The following MAP4 variants were observed in gnomAD, a reference collection of about 807,000 sequenced individuals.
MAP4 encodes the protein microtubule associated protein 4.
MAP4 carries 76 observed loss-of-function variants against 170.2 expected under a neutral mutation model. The observed-to-expected ratio is 0.45, with a 90% CI of 0.37 to 0.54. The LOEUF (loss-of-function observed/expected upper bound fraction) is 0.54. Among genes scored for constraint, MAP4 ranks in the 20% least tolerant of loss-of-function variants. MAP4 has a pLI of 0.00. For missense variants in MAP4, 2,506 were observed against 2,748.0 expected, an observed-to-expected ratio of 0.91 and a Z score of 1.97; for synonymous variants, 909 against 994.5, an observed-to-expected ratio of 0.91 and a Z score of 1.62.
At chr3:47,890,625 T>C (rs149664765) in intron 10 of MAP4, among the ~76,000 whole-genome samples, 2 of 152,246 alleles carry the variant, frequency 1.3e-5, no homozygotes, top group East Asian at 1.9e-4. Context: ...TCAGTTGGGA[T>C]TGAAGGATTT....
intron 2 of MAP4, among the ~76,000 whole-genome samples, chr3:47,987,767 C>A (rs896914488): frequency 6.6e-6 from 1 of 152,128 alleles, no homozygotes; most frequent in African/African-American, 2.4e-5. Context: ...CTGGATTTGT[C>A]CTTGGCAACA....
intron 8 of MAP4, among the ~76,000 whole-genome samples, chr3:47,914,186 C>T (rs1400411676): frequency 6.6e-6 from 1 of 152,136 alleles, no homozygotes; most frequent in African/African-American, 2.4e-5. Context: ...AGTTATGTAA[C>T]TTGCTTAAGA....
intron 3 of MAP4, among the ~76,000 whole-genome samples, chr3:47,950,925 G>T (rs1193633298): frequency 3.9e-5 from 6 of 152,070 alleles, no homozygotes; most frequent in Non-Finnish European, 8.8e-5. Flanking sequence ...GCTTTTCTAT[G>T]AACCAGCTGT....
intron 18 of MAP4, among the ~76,000 whole-genome samples, chr3:47,856,057 C>T (rs2055488459): frequency 6.6e-6 from 1 of 152,158 alleles, no homozygotes; most frequent in Non-Finnish European, 1.5e-5. Context: ...GAACTCACGC[C>T]CAGGGTTCAG....
intron 1 of MAP4, among the ~76,000 whole-genome samples, chr3:48,067,632 CT>C (rs71070248): frequency 0.7 from 98,370 of 139,864 alleles, 34,337 homozygotes; most frequent in African/African-American, 0.79. Flanking sequence ...CAAGAGAAAC[CT>C]TTTTTTTTTT....
At chr3:47,961,717 C>G (rs1193390264) in intron 3 of MAP4, among the ~76,000 whole-genome samples, 1 of 152,108 alleles carries the variant, frequency 6.6e-6, no homozygotes, top group Non-Finnish European at 1.5e-5. Context: ...TGTGCTTTTG[C>G]ATCTTCTTAC....
intron 1 of MAP4, among the ~76,000 whole-genome samples, chr3:48,008,992 T>C (rs2100103863): frequency 1.3e-5 from 2 of 152,218 alleles, no homozygotes; most frequent in East Asian, 1.9e-4. Flanking sequence ...GGGCAGAGGA[T>C]TGTCCTCACT....
chr3:47,881,446 C>CCATA (rs1301165159), intron 10 of MAP4, among the ~76,000 whole-genome samples: 3 of 49,482 alleles, frequency 6.1e-5, no homozygotes, highest in Non-Finnish European at 1.1e-4. Flanking sequence ...GAAAAAACAA[C>CCATA]TATATATATA....
intron 2 of MAP4, among the ~76,000 whole-genome samples, chr3:47,983,542 A>G (rs1010720980): frequency 1.3e-5 from 2 of 152,168 alleles, no homozygotes; most frequent in Admixed American, 6.5e-5. Flanking sequence ...ATGTGCCACC[A>G]TGCCCGGCTA....
chr3:47,932,180 A>G (rs2100050256), intron 3 of MAP4, among the ~76,000 whole-genome samples: 1 of 152,212 alleles, frequency 6.6e-6, no homozygotes. Context: ...AAGTCACACA[A>G]TATGTCATCT....
intron 3 of MAP4, among the ~76,000 whole-genome samples, chr3:47,962,812 C>A (rs1419323749): frequency 6.6e-6 from 1 of 152,194 alleles, no homozygotes; most frequent in Non-Finnish European, 1.5e-5. Flanking sequence ...ACAGCAGCAG[C>A]AGAAACAGCA....
chr3:47,869,322 T>C lies in MAP4; in HGVS notation c.6300A>G (p.Lys2100=). The C allele has an allele frequency of 6.2e-7, 1 of 1,610,688 alleles. No homozygotes were observed. Among genetic ancestry groups the C allele is most frequent in the African/African-American group, 1.3e-5 (1 of 74,958 alleles). ...CAGCTGCCTCTGTTTTTTTCTCTAC[T>C]TTGGCCTGGATGGAGATAAAGGGAG... ...IKHQPGGGRA[K]VEKKTEAAAT... Residue 2100 remains lysine (K), a synonymous_variant, in exon 16 of 21, where the codon AAA becomes AAG. Transcript: ENST00000683076.
chr3:47,917,269 AC>A, intron 6 of MAP4, 95 bp from the exon 7 acceptor site: 1 of 960,772 alleles, frequency 1.0e-6, no homozygotes, highest in Non-Finnish European at 1.6e-6. Context: ...GGCTTTTGTG[AC>A]CATAAGACTG....
chr3:47,931,314 G>A (rs1242634406), intron 3 of MAP4, among the ~76,000 whole-genome samples: 1 of 152,078 alleles, frequency 6.6e-6, no homozygotes, highest in Admixed American at 6.6e-5. Flanking sequence ...CTGGGAAGTC[G>A]AGGCTGCAGT....
At chr3:47,951,267 C>T (rs2100063565) in intron 3 of MAP4, among the ~76,000 whole-genome samples, 1 of 152,108 alleles carries the variant, frequency 6.6e-6, no homozygotes, top group Non-Finnish European at 1.5e-5. Context: ...TGTTGGTATG[C>T]TGAAGAAACT....
chr3:48,056,269 T>G (rs1579633466), intron 1 of MAP4, among the ~76,000 whole-genome samples: 6 of 91,732 alleles, frequency 6.5e-5, no homozygotes, highest in Non-Finnish European at 7.1e-5. Context: ...GGTGGGGGGG[T>G]CAGCCCCCCG....
At chr3:48,024,424 C>G (rs1373224821) in intron 1 of MAP4, among the ~76,000 whole-genome samples, 1 of 152,108 alleles carries the variant, frequency 6.6e-6, no homozygotes. Context: ...TTCCTATTTC[C>G]CTTGGAGTTA....
rs2058388381 is a variant in MAP4, at chr3:47,857,416, G to T, written c.6583+15C>A. ...ATACCCTGGAGACCCAGTGGGCAAG[G>T]GAGGCACCACTCACCAGGCTTGTGC... is the stretch of plus-strand genomic sequence containing the variant. On this transcript the variant is annotated intron_variant, in intron 18 of 20. Coordinates refer to ENST00000683076, the MANE Select transcript of MAP4 (RefSeq NM_001385682.1). 6.2e-7 allele frequency: 1 copy of T among 1,611,122 alleles called. No individual in the cohort carries two copies. Among genetic ancestry groups the T allele is most frequent in the Non-Finnish European group, 8.5e-7 (1 of 1,177,436 alleles).
intron 1 of MAP4, among the ~76,000 whole-genome samples, chr3:48,038,629 T>G (rs2100120048): frequency 6.6e-6 from 1 of 152,012 alleles, no homozygotes; most frequent in African/African-American, 2.4e-5. Flanking sequence ...CCCAGCTAAT[T>G]TTTTGTATTT....
Sources: gnomAD v4.1 joint callset for allele counts (sites outside exome capture counted in the v4.1 genomes callset) on GRCh38, gnomAD v4.1.1 for gene constraint, MANE v1.5 for transcripts, NCBI Gene and HGNC (gene_info 2026-07-23, HGNC 2026-07-21) for gene names.